The following RBFOX1 variants were observed in gnomAD, a reference collection of about 807,000 sequenced individuals.
RBFOX1 encodes RNA binding fox-1 homolog 1.
A neutral mutation model predicts 57.7 loss-of-function variants in RBFOX1; 8 were observed. The observed-to-expected ratio is 0.14, with a 90% CI of 0.08 to 0.25. The LOEUF (loss-of-function observed/expected upper bound fraction) is 0.25. Ranked by LOEUF, RBFOX1 falls within the 10% of genes least tolerant of loss-of-function variation. RBFOX1 has a pLI of 1.00. For synonymous variants in RBFOX1, 326 were observed against 222.4 expected, an observed-to-expected ratio of 1.47 and a Z score of -4.15; for missense variants, 611 against 548.5, an observed-to-expected ratio of 1.11 and a Z score of -1.14.
At chr16:5,339,720 C>G (rs1040292830) in intron 1 of RBFOX1, among the ~76,000 whole-genome samples, 8 of 152,014 alleles carry the variant, frequency 5.3e-5, no homozygotes, top group African/African-American at 9.6e-5. Flanking sequence ...CTCAGGTGAT[C>G]CACCTGCCTC....
intron 2 of RBFOX1, among the ~76,000 whole-genome samples, chr16:6,386,726 T>C (rs2092308268): frequency 1.3e-5 from 2 of 152,204 alleles, no homozygotes; most frequent in African/African-American, 4.8e-5. Context: ...ACTGAGTAAA[T>C]GTTTACGGTA....
At chr16:5,422,488 C>A (rs1403557604) in intron 1 of RBFOX1, among the ~76,000 whole-genome samples, 13 of 70,758 alleles carry the variant, frequency 1.8e-4, no homozygotes, top group South Asian at 6.6e-4. Flanking sequence ...GAGGAGGGAG[C>A]GGGAGGAGGT....
chr16:6,734,760 A>G (rs948789897), intron 3 of RBFOX1, among the ~76,000 whole-genome samples: 6 of 152,128 alleles, frequency 3.9e-5, no homozygotes, highest in African/African-American at 9.7e-5. Context: ...CCCCTATCCA[A>G]TCAGGACAAT....
intron 4 of RBFOX1, among the ~76,000 whole-genome samples, chr16:5,908,307 CAT>C (rs1486238468): frequency 3.6e-5 from 5 of 137,786 alleles, no homozygotes; most frequent in Admixed American, 7.1e-5. Flanking sequence ...TATATACACA[CAT>C]ATATACACAC....
In RBFOX1 at chr16:5,770,368, T is replaced by C. The variant is rs191219858; in HGVS notation, c.319-96935T>C. ...GCATAAGCCGTTCCCATCAGTGACA[T>C]AAGTTTACAAATGCCATGGTAACAC... On this transcript the variant is annotated intron_variant, in intron 3 of 19. Transcript: ENST00000641259. Among the ~76,000 whole-genome samples the C allele has an allele frequency of 2.6e-5, 4 of 152,292 alleles. No homozygotes were observed. The South Asian group carries it at 8.3e-4, about 32-fold the overall frequency.
intron 2 of RBFOX1, among the ~76,000 whole-genome samples, chr16:6,654,175 T>A (rs1231645583): frequency 1.3e-5 from 2 of 151,664 alleles, no homozygotes; most frequent in African/African-American, 2.4e-5. Flanking sequence ...GATGGTTGGA[T>A]GGTTGGAAGG....
At chr16:5,430,632 A>C (rs1158408452) in intron 1 of RBFOX1, among the ~76,000 whole-genome samples, 2 of 152,278 alleles carry the variant, frequency 1.3e-5, no homozygotes, top group Admixed American at 1.3e-4. Flanking sequence ...GACTCCAGAC[A>C]CTCAGTGATC....
chr16:6,664,171 C>G (rs892989722), intron 3 of RBFOX1, among the ~76,000 whole-genome samples: 2 of 151,980 alleles, frequency 1.3e-5, no homozygotes, highest in Non-Finnish European at 2.9e-5. Context: ...CATCTCTAGC[C>G]AAGGAATGGG....
At chr16:5,371,956 A>T (rs937510082) in intron 1 of RBFOX1, among the ~76,000 whole-genome samples, 2 of 152,054 alleles carry the variant, frequency 1.3e-5, no homozygotes, top group Non-Finnish European at 2.9e-5. Context: ...GCTTTTTTTC[A>T]TGCCGCGTTT....
chr16:6,830,108 G>A (rs1031976279), intron 3 of RBFOX1, among the ~76,000 whole-genome samples: 9 of 151,688 alleles, frequency 5.9e-5, no homozygotes, highest in African/African-American at 2.2e-4. Flanking sequence ...ATGGAGACAA[G>A]GTTTTACCAT....
rs985208211 is a variant in RBFOX1, at chr16:6,097,206, C to A, written c.-127+77214C>A. ...TTCGCTTTCTGCCATGATTGTGAGG[C>A]CTCCGTAGCCATGTGGAACTGTGAG... is the stretch of plus-strand genomic sequence containing the variant. On this transcript the variant is annotated intron_variant, in intron 1 of 15. Transcript: ENST00000550418. This position sits in a 1 kb window ranked among gnomAD's most constrained non-coding sequence, Gnocchi z 5.0. Among the ~76,000 whole-genome samples the A allele has an allele frequency of 1.3e-5, 2 of 152,218 alleles. No homozygotes were observed. The highest frequency in any genetic ancestry group is 1.3e-4 in the Admixed American group (2 of 15,270).
intron 2 of RBFOX1, among the ~76,000 whole-genome samples, chr16:6,540,304 TG>T (rs1186481303): frequency 1.0e-5 from 1 of 97,606 alleles, no homozygotes; most frequent in Admixed American, 1.3e-4. Context: ...ATAAGCTGGC[TG>T]GCTGTAAAAA....
At chr16:7,685,722 G>C (rs2075926510) in intron 14 of RBFOX1, among the ~76,000 whole-genome samples, 1 of 152,070 alleles carries the variant, frequency 6.6e-6, no homozygotes, top group Non-Finnish European at 1.5e-5. Context: ...AAAATGTAAG[G>C]TTATTTTTAG....
intron 2 of RBFOX1, among the ~76,000 whole-genome samples, chr16:6,631,236 G>T (rs1759420319): frequency 6.6e-6 from 1 of 152,108 alleles, no homozygotes; most frequent in East Asian, 1.9e-4. Flanking sequence ...TAAGAAGGAA[G>T]ATAAGGACAA....
Position 5,427,323 on chromosome 16 carries a change from G to A in RBFOX1, c.220-39893G>A, listed in dbSNP as rs553752977. ...AACGTGGCTGGGCACGGTGGCTCAT[G>A]CCTTTAATCCCAGCACTTTAGGAGG... is the stretch of plus-strand genomic sequence containing the variant. On this transcript the variant is annotated intron_variant, in intron 1 of 2. Coordinates refer to the RBFOX1 transcript ENST00000585867. Among the ~76,000 whole-genome samples the A allele has an allele frequency of 1.1e-4, 17 of 152,348 alleles. No individual in the cohort carries two copies. The South Asian group carries it at 3.3e-3, about 30-fold the overall frequency.
chr16:7,597,806 G>A (rs150135774), intron 9 of RBFOX1, among the ~76,000 whole-genome samples: 231 of 152,312 alleles, frequency 1.5e-3, no homozygotes, highest in Non-Finnish European at 2.7e-3. Flanking sequence ...AATCATTCCT[G>A]GACGTGCAGT....
At chr16:6,579,876 G>A (rs2097508819) in intron 2 of RBFOX1, among the ~76,000 whole-genome samples, 1 of 152,066 alleles carries the variant, frequency 6.6e-6, no homozygotes, top group Non-Finnish European at 1.5e-5. Context: ...GTGAGCCACT[G>A]CCGCCAGCCT....
chr16:6,664,810 A>T (rs927398723), intron 3 of RBFOX1, among the ~76,000 whole-genome samples: 2 of 152,196 alleles, frequency 1.3e-5, no homozygotes, highest in Non-Finnish European at 2.9e-5. Context: ...TCAAAAGGCA[A>T]GGTAGTACAG....
chr16:5,415,106 G>A (rs556587623), intron 1 of RBFOX1, among the ~76,000 whole-genome samples: 6 of 152,270 alleles, frequency 3.9e-5, no homozygotes, highest in East Asian at 1.9e-4. Context: ...TAATCACACC[G>A]TGTATTAGTC....
Sources: gnomAD v4.1 joint callset for allele counts (sites outside exome capture counted in the v4.1 genomes callset) on GRCh38, gnomAD v4.1.1 for gene constraint, Gnocchi (gnomAD v3.1) non-coding constraint, MANE v1.5 for transcripts, NCBI Gene and HGNC (gene_info 2026-07-23, HGNC 2026-07-21) for gene names.